The following LRRTM4 variants were observed in gnomAD, a reference collection of about 807,000 sequenced individuals.
LRRTM4 encodes leucine rich repeat transmembrane neuronal 4.
LRRTM4 carries 25 observed loss-of-function variants against 47.6 expected under a neutral mutation model. The observed-to-expected ratio is 0.53, with a 90% CI of 0.38 to 0.73. LRRTM4 has a LOEUF of 0.73. Ranked by LOEUF, LRRTM4 falls within the 30% of genes least tolerant of loss-of-function variation. LRRTM4 has a pLI of 0.00. For missense variants in LRRTM4, 638 were observed against 713.4 expected (o/e 0.89, Z 1.20); for synonymous variants, 311 against 269.5 (o/e 1.15, Z -1.51).
intron 3 of LRRTM4, among the ~76,000 whole-genome samples, chr2:76,812,345 G>T (rs1670758968): frequency 6.6e-6 from 1 of 152,170 alleles, no homozygotes; most frequent in Non-Finnish European, 1.5e-5. Flanking sequence ...ACTTCATTGA[G>T]TGTTTTCCTG....
chr2:76,775,342 C>A (rs1432446169), intron 3 of LRRTM4, among the ~76,000 whole-genome samples: 1 of 152,092 alleles, frequency 6.6e-6, no homozygotes, highest in African/African-American at 2.4e-5. Flanking sequence ...TCTGAAAGGT[C>A]CTTATGATCC....
intron 3 of LRRTM4, among the ~76,000 whole-genome samples, chr2:77,313,686 G>A (rs1332350690): frequency 6.6e-6 from 1 of 152,050 alleles, no homozygotes; most frequent in East Asian, 1.9e-4. Flanking sequence ...GATCATCTGT[G>A]TGGTAATCCT....
At chr2:77,047,217 C>A (rs73940250) in intron 3 of LRRTM4, among the ~76,000 whole-genome samples, 1 of 151,910 alleles carries the variant, frequency 6.6e-6, no homozygotes, top group Non-Finnish European at 1.5e-5. Context: ...ATGAACTGAG[C>A]CTTACTCAGT....
chr2:77,440,369 G>C (rs930477804), intron 3 of LRRTM4, among the ~76,000 whole-genome samples: 5 of 152,084 alleles, frequency 3.3e-5, no homozygotes, highest in African/African-American at 4.8e-5. Context: ...AGCCAAGATC[G>C]TGCCACTGCA....
intron 3 of LRRTM4, among the ~76,000 whole-genome samples, chr2:77,049,889 CCT>C (rs765720622): frequency 2.1e-4 from 32 of 151,952 alleles, no homozygotes; most frequent in Non-Finnish European, 3.4e-4. Flanking sequence ...TTTAGTGTTT[CCT>C]CTCTCTGTAT....
chr2:77,370,903 A>G (rs1672632550), intron 3 of LRRTM4, among the ~76,000 whole-genome samples: 2 of 151,728 alleles, frequency 1.3e-5, no homozygotes, highest in South Asian at 4.1e-4. Context: ...AGGCATCCAT[A>G]CAAATTAACA....
intron 3 of LRRTM4, among the ~76,000 whole-genome samples, chr2:77,000,154 T>C (rs1677362719): frequency 8.6e-6 from 1 of 116,866 alleles, no homozygotes; most frequent in South Asian, 3.0e-4. Flanking sequence ...TGGGAAAGTA[T>C]GTCCGTAGAT....
chr2:77,166,615 C>T (rs558647674), intron 3 of LRRTM4, among the ~76,000 whole-genome samples: 11 of 151,996 alleles, frequency 7.2e-5, no homozygotes, highest in South Asian at 4.1e-4. Context: ...GAGATATAGA[C>T]CAATGGAACA....
intron 3 of LRRTM4, among the ~76,000 whole-genome samples, chr2:77,497,347 G>C (rs114398088): frequency 0.012 from 1,696 of 145,912 alleles, 13 homozygotes; most frequent in South Asian, 0.025. Flanking sequence ...CTTTGTGTTT[G>C]ATTTGCTCTG....
chr2:77,468,016 G>C (rs1473499539), intron 3 of LRRTM4, among the ~76,000 whole-genome samples: 1 of 151,962 alleles, frequency 6.6e-6, no homozygotes, highest in African/African-American at 2.4e-5. Context: ...ATGGATTTCT[G>C]TTTATTTATT....
At chr2:77,086,645 CGTTT>C (rs959179241) in intron 3 of LRRTM4, among the ~76,000 whole-genome samples, 16 of 151,246 alleles carry the variant, frequency 1.1e-4, no homozygotes, top group East Asian at 3.9e-4. Context: ...GCCTGACTTT[CGTTT>C]GTTTGTTTAT....
intron 3 of LRRTM4, among the ~76,000 whole-genome samples, chr2:77,032,019 T>A (rs1455597965): frequency 6.6e-6 from 1 of 152,146 alleles, no homozygotes; most frequent in East Asian, 1.9e-4. Context: ...ATATTAAGAA[T>A]CTGATCTTTG....
chr2:77,003,465 T>C (rs1236276188), intron 3 of LRRTM4, among the ~76,000 whole-genome samples: 1 of 152,076 alleles, frequency 6.6e-6, no homozygotes, highest in East Asian at 1.9e-4. Flanking sequence ...CTCATGCCTT[T>C]CTTGTGATAG....
intron 3 of LRRTM4, among the ~76,000 whole-genome samples, chr2:77,136,744 T>C (rs1042013128): frequency 1.3e-5 from 2 of 149,844 alleles, no homozygotes; most frequent in African/African-American, 5.1e-5. Flanking sequence ...ATTAGATGAA[T>C]GGCTAACTAG....
rs113421200 is a variant in LRRTM4, at chr2:76,865,704, CAGAG to C, written c.1552-116792_1552-116789del. On this transcript the variant is annotated intron_variant, in intron 3 of 3. Coordinates refer to ENST00000409884, the MANE Select transcript of LRRTM4 (RefSeq NM_001134745.3). ...TCTTGCCTACTTCAAAGGAATAAAT[CAGAG>C]AGAAGTATACTTACTCATAATATAG... Among the ~76,000 whole-genome samples the C allele has an allele frequency of 1.1e-3, 166 of 152,156 alleles. 1 individual carries two copies. The highest frequency in any genetic ancestry group is 3.9e-3 in the African/African-American group (160 of 41,526).
chr2:76,873,468 G>C (rs533982815), intron 3 of LRRTM4, among the ~76,000 whole-genome samples: 2 of 141,432 alleles, frequency 1.4e-5, no homozygotes, highest in Admixed American at 7.2e-5. Flanking sequence ...TAACGTGTGT[G>C]TGTGTATATA....
At chr2:77,053,055 T>C (rs990103395) in intron 3 of LRRTM4, among the ~76,000 whole-genome samples, 5 of 151,926 alleles carry the variant, frequency 3.3e-5, no homozygotes, top group Admixed American at 3.3e-4. Context: ...AAAGCAGCTG[T>C]GTGAAATTTG....
At position 76,913,543 on chromosome 2, in the gene LRRTM4, A is replaced by ATTTTTTTTTTTTTTTTT. The variant is rs58615415; in HGVS notation, c.1552-164628_1552-164627insAAAAAAAAAAAAAAAAA. Among the ~76,000 whole-genome samples, 656 of 121,174 alleles carry ATTTTTTTTTTTTTTTTT rather than the reference A, an allele frequency of 5.4e-3. 38 individuals are homozygous for ATTTTTTTTTTTTTTTTT. Among genetic ancestry groups the ATTTTTTTTTTTTTTTTT allele is most frequent in the African/African-American group, 0.011 (329 of 30,514 alleles). The allele number at this position is 121,174 out of a possible 152,430, so 79.5% of individuals were successfully genotyped here. The stretch of plus-strand genomic sequence containing the variant: ...CCAAATATTTAGAGATCCTATTTCA[A>ATTTTTTTTTTTTTTTTT]TTTTTTTTTTTTTTGAGACAGAGTC... On this transcript the variant is annotated intron_variant, in intron 3 of 3. Coordinates refer to ENST00000409884, the MANE Select transcript of LRRTM4 (RefSeq NM_001134745.3).
At chr2:77,061,513 G>T (rs370351381) in intron 3 of LRRTM4, among the ~76,000 whole-genome samples, 2 of 152,118 alleles carry the variant, frequency 1.3e-5, no homozygotes, top group East Asian at 3.8e-4. Flanking sequence ...CTGTTGTATC[G>T]CATCAATCTT....
Sources: allele counts gnomAD v4.1 joint callset (sites outside exome capture counted in the v4.1 genomes callset), GRCh38; gene constraint gnomAD v4.1.1; transcripts MANE v1.5; gene names NCBI Gene and HGNC (gene_info 2026-07-23, HGNC 2026-07-21).